SDHD: variants seen among roughly 807,000 people sequenced by gnomAD.
SDHD encodes succinate dehydrogenase complex subunit D.
In SDHD, 6 loss-of-function variants were observed where a neutral mutation model predicts 18.7. The ratio of observed to expected loss-of-function variants is 0.32; its 90% CI spans 0.18 to 0.63. SDHD has a LOEUF of 0.63. Among genes scored for constraint, SDHD ranks in the 30% least tolerant of loss-of-function variants. SDHD has a pLI of 0.79. For missense variants in SDHD, 160 were observed against 192.7 expected, an observed-to-expected ratio of 0.83 and a Z score of 1.00; for synonymous variants, 56 against 73.9, an observed-to-expected ratio of 0.76 and a Z score of 1.24.
intron 3 of SDHD, among the ~76,000 whole-genome samples, chr11:112,092,321 T>C (rs528686197): frequency 6.6e-6 from 1 of 152,170 alleles, no homozygotes; most frequent in South Asian, 2.1e-4. Context: ...CTTTGCACCC[T>C]GTCACCAGCC....
At chr11:112,093,588 A>G (rs73568098) in intron 3 of SDHD, among the ~76,000 whole-genome samples, 3,965 of 152,276 alleles carry the variant, frequency 0.026, 181 homozygotes, top group African/African-American at 0.09. Flanking sequence ...ACATTGCAAT[A>G]AAACTGTTAT....
At chr11:112,087,077 A>G in intron 1 of SDHD, 118 bp downstream of exon 1, 1 of 1,122,424 alleles carries the variant, frequency 8.9e-7, no homozygotes, top group East Asian at 2.5e-5. Flanking sequence ...TACCGAAATC[A>G]CAGCAATGAC....
chr11:112,093,113 C>A, intron 3 of SDHD: 1 of 369,728 alleles, frequency 2.7e-6, no homozygotes, highest in Non-Finnish European at 5.5e-6. Flanking sequence ...TGGCTCGGCA[C>A]GATCTCGGCT....
intron 3 of SDHD, among the ~76,000 whole-genome samples, chr11:112,092,904 G>C (rs1865770528): frequency 6.6e-6 from 1 of 151,814 alleles, no homozygotes; most frequent in African/African-American, 2.4e-5. Flanking sequence ...ACAAAATATG[G>C]TGTATTCATA....
intron 3 of SDHD, among the ~76,000 whole-genome samples, chr11:112,089,570 T>C (rs1385472406): frequency 6.6e-6 from 1 of 152,240 alleles, no homozygotes; most frequent in African/African-American, 2.4e-5. Flanking sequence ...CCCTCATTTT[T>C]AGCTGCTCTC....
At chr11:112,093,585 A>C (rs1865787363) in intron 3 of SDHD, among the ~76,000 whole-genome samples, 1 of 152,196 alleles carries the variant, frequency 6.6e-6, no homozygotes, top group African/African-American at 2.4e-5. Flanking sequence ...CTTACATTGC[A>C]ATAAAACTGT....
At chr11:112,093,732 G>A (rs954605554) in intron 3 of SDHD, among the ~76,000 whole-genome samples, 1 of 152,084 alleles carries the variant, frequency 6.6e-6, no homozygotes. Context: ...ACCGACCCCT[G>A]CCTTCCTCTG....
At chr11:112,087,209 A>C (rs968668917) in intron 1 of SDHD, among the ~76,000 whole-genome samples, 25 of 152,134 alleles carry the variant, frequency 1.6e-4, no homozygotes, top group African/African-American at 5.6e-4. Flanking sequence ...GATGAGGCTA[A>C]TCCACATAGC....
rs1275411877 is a variant in SDHD at position 112,095,326 on chromosome 11, A to G, written c.*356A>G. On this transcript the variant is annotated 3_prime_UTR_variant, in exon 4 of 4. Transcript: ENST00000375549. ...GATTAGTATATGATCAAACTTCCAT[A>G]TTTGCCTTGGGAATAATGGACAAAG... 2.9e-6 allele frequency: 1 copy of G among 346,678 alleles called. No homozygotes were observed. The highest frequency in any genetic ancestry group is 5.4e-6 in the Non-Finnish European group (1 of 184,360). 21.5% of individuals were successfully genotyped at this position (346,678 alleles called of 1,614,324 possible).
intron 3 of SDHD, among the ~76,000 whole-genome samples, chr11:112,090,660 A>T (rs1865728038): frequency 2.0e-5 from 3 of 151,930 alleles, no homozygotes; most frequent in Admixed American, 2.0e-4. Context: ...AGGTTAAGTG[A>T]CTTGTCAGAA....
chr11:112,092,971 T>G (rs1185483075), intron 3 of SDHD: 1 of 189,288 alleles, frequency 5.3e-6, no homozygotes, highest in African/African-American at 2.4e-5. Flanking sequence ...TGCTATGACA[T>G]GGATGAACAT....
At chr11:112,094,397 C>CAATAAATA (rs575947347) in intron 3 of SDHD, among the ~76,000 whole-genome samples, 16 of 150,998 alleles carry the variant, frequency 1.1e-4, no homozygotes, top group East Asian at 9.7e-4. Flanking sequence ...GACTCTGTCT[C>CAATAAATA]AATAAATAAA....
intron 1 of SDHD, 107 bp from the exon 2 acceptor site, chr11:112,087,750 G>A (rs1865645843): frequency 1.3e-6 from 1 of 787,078 alleles, no homozygotes; most frequent in Admixed American, 1.7e-5. Context: ...CAAATAAGAT[G>A]TTATCCCCTA....
rs1592780060 is a variant in SDHD, at chr11:112,088,711, C to T, written c.170-156C>T. Among the ~76,000 whole-genome samples, 3 of 152,252 alleles carry T rather than the reference C, an allele frequency of 2.0e-5. No homozygotes were observed. The East Asian group carries it at 5.8e-4, about 29-fold the overall frequency. ...AGCCTTCAAAAAACAGAGATAGCTTCTCTCAACTACTATTTTGATATTTTA... is the reference window on the plus strand; with the variant it reads ...AGCCTTCAAAAAACAGAGATAGCTTTTCTCAACTACTATTTTGATATTTTA... On this transcript the variant is annotated intron_variant, in intron 2 of 3. Transcript: ENST00000375549.
chr11:112,095,011 T>G lies in SDHD; in HGVS notation c.*41T>G. On this transcript the variant is annotated 3_prime_UTR_variant, in exon 4 of 4. Transcript: ENST00000375549. ...ACTTTGAAGAATTGATGTATGCCTCTTTGCCTCTGCTTTGTCATGCCATTA... is the reference window on the plus strand; with the variant it reads ...ACTTTGAAGAATTGATGTATGCCTCGTTGCCTCTGCTTTGTCATGCCATTA... 6.4e-7 allele frequency: 1 copy of G among 1,567,116 alleles called. No individual in the cohort carries two copies. Among genetic ancestry groups the G allele is most frequent in the East Asian group, 2.2e-5 (1 of 44,692 alleles).
intron 3 of SDHD, chr11:112,093,306 T>G: frequency 4.6e-6 from 1 of 218,028 alleles, no homozygotes; most frequent in Non-Finnish European, 9.7e-6. Context: ...CATCAGGTGA[T>G]CCGCCCACTT....
Position 112,095,016 on chromosome 11 carries a change from C to T in SDHD, c.*46C>T, listed in dbSNP as rs1273537501. On this transcript the variant is annotated 3_prime_UTR_variant, in exon 4 of 4. Transcript: ENST00000375549. ...GAAGAATTGATGTATGCCTCTTTGCCTCTGCTTTGTCATGCCATTAAGCTC... is the reference window on the plus strand; with the variant it reads ...GAAGAATTGATGTATGCCTCTTTGCTTCTGCTTTGTCATGCCATTAAGCTC... The T allele has an allele frequency of 6.5e-7, 1 of 1,542,506 alleles. No individual in the cohort carries two copies. The highest frequency in any genetic ancestry group is 1.4e-5 in the African/African-American group (1 of 73,466).
rs1238860402 is a variant in SDHD at position 112,095,741 on chromosome 11, AAAT to A, written c.*775_*777del. On this transcript the variant is annotated 3_prime_UTR_variant, in exon 4 of 4. Coordinates refer to ENST00000375549, the MANE Select transcript of SDHD (RefSeq NM_003002.4). The stretch of plus-strand genomic sequence containing the variant: ...TCTAATGTGAAAATGTATTCTATGA[AAAT>A]AATTTTTTTAAATAAAATGTTATAT... The A allele has an allele frequency of 4.7e-6, 1 of 213,222 alleles. No homozygotes were observed. The highest frequency in any genetic ancestry group is 9.4e-6 in the Non-Finnish European group (1 of 105,992). 13.2% of individuals were successfully genotyped at this position (213,222 alleles called of 1,614,324 possible).
chr11:112,088,752 G>C, intron 2 of SDHD, 115 bp from the exon 3 acceptor site: 1 of 1,130,062 alleles, frequency 8.8e-7, no homozygotes. Flanking sequence ...TTTGTACTCA[G>C]AGTTATATCC....
Sources: gnomAD v4.1 joint callset for allele counts (sites outside exome capture counted in the v4.1 genomes callset) on GRCh38, gnomAD v4.1.1 for gene constraint, MANE v1.5 for transcripts, NCBI Gene and HGNC (gene_info 2026-07-23, HGNC 2026-07-21) for gene names.